THSD7A: variants seen among roughly 807,000 people sequenced by gnomAD.
THSD7A encodes the protein thrombospondin type-1 domain-containing protein 7A.
Under a neutral mutation model 231.3 loss-of-function variants are expected in THSD7A, and 96 were observed. The ratio of observed to expected loss-of-function variants is 0.41; its 90% CI spans 0.35 to 0.49. The LOEUF (loss-of-function observed/expected upper bound fraction) is 0.49, where lower values mean the gene tolerates loss of function less well. Ranked by LOEUF, THSD7A falls within the 20% of genes least tolerant of loss-of-function variation. The probability of loss-of-function intolerance (pLI) is 0.05; values close to 1 mark genes in which losing one functional copy is unlikely to be tolerated. For synonymous variants in THSD7A, 940 were observed against 743.3 expected (o/e 1.26, Z -4.30); for missense variants, 2,290 against 2,070.2 (o/e 1.11, Z -2.06).
chr7:11,388,121 T>G (rs1782834092), intron 23 of THSD7A, among the ~76,000 whole-genome samples: 1 of 152,168 alleles, frequency 6.6e-6, no homozygotes, highest in Non-Finnish European at 1.5e-5. Context: ...TGTTGAGGAT[T>G]TTCGCACCAA....
Position 11,504,443 on chromosome 7 carries a change from T to C in THSD7A, c.1823-22461A>G, listed in dbSNP as rs562497961. On this transcript the variant is annotated intron_variant, in intron 6 of 27. Transcript: ENST00000423059. The stretch of plus-strand genomic sequence containing the variant: ...ACAACAAAAGTCTGTGACATGTTTG[T>C]CTATATAACAAATCATCACATGTAG... Among the ~76,000 whole-genome samples the C allele has an allele frequency of 7.2e-5, 11 of 152,214 alleles. No homozygotes were observed. In the East Asian group the frequency reaches 1.7e-3, roughly 24 times the overall value.
Position 11,407,333 on chromosome 7 carries a change from C to T in THSD7A, c.3889G>A (p.Glu1297Lys). 1 of 1,613,508 alleles carries T rather than the reference C, an allele frequency of 6.2e-7. No individual in the cohort carries two copies. Among genetic ancestry groups the T allele is most frequent in the African/African-American group, 1.3e-5 (1 of 75,044 alleles). ...CQLSDWSPWSECSQTCGLTGK... is the reference protein window; with the variant it reads ...CQLSDWSPWSKCSQTCGLTGK... ...GTGAGGCCACATGTTTGAGAACATT[C>T]TGACCAAGGAGACCAATCAGAAAGC... Residue 1297 changes from glutamate (E) to lysine (K), a missense_variant, in exon 20 of 28, where the codon GAA becomes AAA. Transcript: ENST00000423059.
chr7:11,665,779 G>A (rs1783106215), intron 1 of THSD7A, among the ~76,000 whole-genome samples: 2 of 151,898 alleles, frequency 1.3e-5, no homozygotes, highest in Non-Finnish European at 2.9e-5. Context: ...CAATTTGGGG[G>A]CCCCCTCAGA....
chr7:11,624,296 C>A (rs1024641177), intron 2 of THSD7A, among the ~76,000 whole-genome samples: 19 of 152,060 alleles, frequency 1.2e-4, no homozygotes, highest in African/African-American at 3.9e-4. Flanking sequence ...TTCTGCATAT[C>A]ATTCCTGTTT....
chr7:11,449,504 T>A (rs2128295248), intron 11 of THSD7A, among the ~76,000 whole-genome samples: 1 of 152,214 alleles, frequency 6.6e-6, no homozygotes, highest in Non-Finnish European at 1.5e-5. Flanking sequence ...TGGTACCTAA[T>A]CAGCCTGGTA....
rs1435883898 is a variant in THSD7A at position 11,377,422 on chromosome 7, C to T, written c.4802-765G>A. ...ATTGGCTAATTTAATTTGATCCTCACATCAACATATATTTTCTGTTGCAAT... is the reference window on the plus strand; with the variant it reads ...ATTGGCTAATTTAATTTGATCCTCATATCAACATATATTTTCTGTTGCAAT... On this transcript the variant is annotated intron_variant, in intron 26 of 27. Coordinates refer to ENST00000423059, the MANE Select transcript of THSD7A (RefSeq NM_015204.3). The surrounding 1 kb of genome is among the most constrained non-coding windows in gnomAD (Gnocchi z 4.5). 6.6e-6 allele frequency among the ~76,000 whole-genome samples: 1 copy of T among 152,066 alleles called. No individual in the cohort carries two copies. Among genetic ancestry groups the T allele is most frequent in the African/African-American group, 2.4e-5 (1 of 41,430 alleles).
At chr7:11,425,887 A>G (rs1401959982) in intron 15 of THSD7A, among the ~76,000 whole-genome samples, 2 of 152,080 alleles carry the variant, frequency 1.3e-5, no homozygotes, top group Non-Finnish European at 2.9e-5. Context: ...TTTTGTGCCA[A>G]TTTTAGTGAA....
At chr7:11,434,340 T>C (rs1169603796) in intron 13 of THSD7A, among the ~76,000 whole-genome samples, 1 of 152,068 alleles carries the variant, frequency 6.6e-6, no homozygotes, top group Non-Finnish European at 1.5e-5. Context: ...CTTCTGATTA[T>C]ATTTTTGACT....
chr7:11,654,047 G>C (rs1782614081), intron 1 of THSD7A, among the ~76,000 whole-genome samples: 1 of 151,846 alleles, frequency 6.6e-6, no homozygotes, highest in Non-Finnish European at 1.5e-5. Context: ...CAAGTATTCT[G>C]TGTAGGAACT....
chr7:11,645,048 C>T lies in THSD7A; in HGVS notation c.191-8087G>A, dbSNP rs139836152. Among the ~76,000 whole-genome samples the T allele has an allele frequency of 7.4e-3, 1,119 of 152,040 alleles. 11 individuals are homozygous for T. Among genetic ancestry groups the T allele is most frequent in the African/African-American group, 0.025 (1,053 of 41,538 alleles). ...AGGTTTTAAAATACATGTTGCCCAA[C>T]TGATTTTTCAAAGAAACATGTAGAA... On this transcript the variant is annotated intron_variant, in intron 1 of 27. Transcript: ENST00000423059.
chr7:11,748,612 T>C lies in THSD7A; in HGVS notation c.190+83145A>G, dbSNP rs192252075. Among the ~76,000 whole-genome samples the C allele has an allele frequency of 2.6e-4, 40 of 152,062 alleles. 1 individual carries two copies. Among genetic ancestry groups the C allele is most frequent in the African/African-American group, 9.2e-4 (38 of 41,520 alleles). On this transcript the variant is annotated intron_variant, in intron 1 of 27. Transcript: ENST00000423059. ...GAGACATCATGAAAAGTCACATAAA[T>C]GGTGTACAAGATTATTAAAGCTATA...
chr7:11,741,977 C>T (rs1782130203), intron 1 of THSD7A, among the ~76,000 whole-genome samples: 1 of 151,820 alleles, frequency 6.6e-6, no homozygotes, highest in Admixed American at 6.6e-5. Context: ...GGGTACTGAT[C>T]CTCAAGGATA....
At chr7:11,742,553 T>C (rs1209013922) in intron 1 of THSD7A, among the ~76,000 whole-genome samples, 2 of 151,928 alleles carry the variant, frequency 1.3e-5, no homozygotes, top group African/African-American at 4.8e-5. Flanking sequence ...GTCTAATTGA[T>C]GAAGTGCTCA....
chr7:11,816,592 T>G (rs1325526634), intron 1 of THSD7A, among the ~76,000 whole-genome samples: 1 of 134,592 alleles, frequency 7.4e-6, no homozygotes, highest in Non-Finnish European at 1.6e-5. Context: ...AAAAAGGGTC[T>G]TAAAATAAAA....
At chr7:11,717,185 A>T (rs1781169075) in intron 1 of THSD7A, among the ~76,000 whole-genome samples, 1 of 151,708 alleles carries the variant, frequency 6.6e-6, no homozygotes, top group African/African-American at 2.4e-5. Context: ...TGATTGCAGG[A>T]ACGCTATGAA....
chr7:11,510,823 G>A (rs1045702336), intron 6 of THSD7A, among the ~76,000 whole-genome samples: 1 of 151,900 alleles, frequency 6.6e-6, no homozygotes, highest in African/African-American at 2.4e-5. Flanking sequence ...ATATGGGTCT[G>A]TCATAAATGA....
intron 6 of THSD7A, among the ~76,000 whole-genome samples, chr7:11,497,857 G>T (rs1419886866): frequency 6.6e-6 from 1 of 152,130 alleles, no homozygotes; most frequent in African/African-American, 2.4e-5. Context: ...GGAGCAACAT[G>T]GAGCCAGGGG....
intron 23 of THSD7A, among the ~76,000 whole-genome samples, chr7:11,387,948 C>G (rs1271640145): frequency 4.0e-5 from 6 of 151,856 alleles, no homozygotes; most frequent in Non-Finnish European, 2.9e-5. Flanking sequence ...AAGGCCTTTT[C>G]TGCATCTAAT....
chr7:11,466,468 C>A (rs1228654124), intron 9 of THSD7A, among the ~76,000 whole-genome samples: 4 of 152,094 alleles, frequency 2.6e-5, no homozygotes, highest in Admixed American at 2.6e-4. Context: ...ACAGGCAAAA[C>A]AGAAAAAACT....
Sources: allele counts gnomAD v4.1 joint callset (sites outside exome capture counted in the v4.1 genomes callset), GRCh38; gene constraint gnomAD v4.1.1; non-coding constraint Gnocchi (gnomAD v3.1); transcripts MANE v1.5; gene names NCBI Gene and HGNC (gene_info 2026-07-23, HGNC 2026-07-21).